CALN1: variants seen among roughly 807,000 people sequenced by gnomAD.
CALN1 encodes the protein calneuron 1, also known as calcium-binding protein 8.
Under a neutral mutation model 30.6 loss-of-function variants are expected in CALN1, and 17 were observed. The observed-to-expected ratio is 0.56, with a 90% CI of 0.38 to 0.83. The LOEUF is 0.83. Among genes scored for constraint, CALN1 ranks in the 40% least tolerant of loss-of-function variants. The pLI, the probability that CALN1 is intolerant of heterozygous loss-of-function variation, is 0.00. For missense variants in CALN1, 291 were observed against 354.9 expected (o/e 0.82, Z 1.45); for synonymous variants, 156 against 131.4 (o/e 1.19, Z -1.28).
intron 4 of CALN1, among the ~76,000 whole-genome samples, chr7:72,058,486 T>C (rs1288091157): frequency 6.6e-6 from 1 of 151,848 alleles, no homozygotes. Flanking sequence ...CTCAGCTATT[T>C]TTTTGTATTT....
chr7:72,156,312 A>G (rs1195101706), intron 3 of CALN1, among the ~76,000 whole-genome samples: 1 of 152,198 alleles, frequency 6.6e-6, no homozygotes, highest in Non-Finnish European at 1.5e-5. Context: ...AACTGCTTGG[A>G]TAGGACAGGA....
chr7:71,893,822 C>T (rs1489291100), intron 5 of CALN1, among the ~76,000 whole-genome samples: 2 of 152,002 alleles, frequency 1.3e-5, no homozygotes, highest in African/African-American at 4.8e-5. Context: ...CTGCCCATTG[C>T]AAGATTTGGG....
At chr7:72,298,803 TAAA>T (rs56933201) in intron 2 of CALN1, among the ~76,000 whole-genome samples, 18 of 140,418 alleles carry the variant, frequency 1.3e-4, no homozygotes, top group Admixed American at 1.4e-4. Flanking sequence ...CTGATGGTTT[TAAA>T]AAAAAAAAAA....
chr7:72,486,518 C>A, the CALN1 span, among the ~76,000 whole-genome samples: 1 of 151,828 alleles, frequency 6.6e-6, no homozygotes, highest in South Asian at 2.1e-4. Flanking sequence ...ATTACAGGTG[C>A]ATGCCACCAC....
chr7:72,416,288 T>C (rs1412511638), upstream of CALN1, among the ~76,000 whole-genome samples: 1 of 152,232 alleles, frequency 6.6e-6, no homozygotes, highest in Admixed American at 6.5e-5. Context: ...GGTATAAATA[T>C]GACTGCAGCA....
chr7:72,494,189 C>T, the CALN1 span, among the ~76,000 whole-genome samples: 3 of 152,170 alleles, frequency 2.0e-5, no homozygotes, highest in Non-Finnish European at 4.4e-5. Context: ...GACCTTGTCT[C>T]TAAAAATCTG....
chr7:72,394,484 A>G (rs540234849), intron 2 of CALN1, among the ~76,000 whole-genome samples: 1 of 152,208 alleles, frequency 6.6e-6, no homozygotes, highest in Non-Finnish European at 1.5e-5. Flanking sequence ...AACAGACATC[A>G]TTACGGGACT....
chr7:72,108,102 C>T (rs1387813092), intron 3 of CALN1, among the ~76,000 whole-genome samples: 1 of 152,194 alleles, frequency 6.6e-6, no homozygotes, highest in African/African-American at 2.4e-5. Context: ...CTGTGCTCCC[C>T]GTGAAGGCTC....
intron 4 of CALN1, among the ~76,000 whole-genome samples, chr7:72,083,288 C>A (rs956919989): frequency 7.9e-5 from 12 of 152,066 alleles, no homozygotes; most frequent in African/African-American, 2.7e-4. Flanking sequence ...TTGTAAGGAT[C>A]AGAATTTAAA....
At chr7:72,281,582 C>T (rs1458358871) in intron 2 of CALN1, among the ~76,000 whole-genome samples, 2 of 152,170 alleles carry the variant, frequency 1.3e-5, no homozygotes, top group Non-Finnish European at 2.9e-5. Context: ...CCAGCTGCTA[C>T]CTTAACCAAC....
upstream of CALN1, among the ~76,000 whole-genome samples, chr7:72,413,884 ACT>A (rs1305549813): frequency 6.6e-6 from 1 of 151,266 alleles, no homozygotes; most frequent in Admixed American, 6.6e-5. Flanking sequence ...GCACACACAC[ACT>A]CTTACATACA....
At chr7:71,820,221 C>T (rs1467501121) in intron 5 of CALN1, among the ~76,000 whole-genome samples, 1 of 152,090 alleles carries the variant, frequency 6.6e-6, no homozygotes, top group Non-Finnish European at 1.5e-5. Context: ...TAGATAATAC[C>T]TCAACCAACT....
Position 72,041,990 on chromosome 7 carries a change from G to C in CALN1, c.389-18221C>G, listed in dbSNP as rs75699516. On this transcript the variant is annotated intron_variant, in intron 4 of 6. Transcript: ENST00000395275. ...TCCTTTATAAATTACCTAGTCTCTC[G>C]GGTATGTCTTTATTAGCAGCATGAG... Among the ~76,000 whole-genome samples, 96 of 152,202 alleles carry C rather than the reference G, an allele frequency of 6.3e-4. 2 individuals are homozygous for C. In the East Asian group the frequency reaches 0.018, roughly 28 times the overall value.
chr7:72,328,863 T>A (rs2944824), intron 2 of CALN1, among the ~76,000 whole-genome samples: 49,003 of 152,092 alleles, frequency 0.32, 9,630 homozygotes, highest in Middle Eastern at 0.51. Flanking sequence ...GCCCAGCTAG[T>A]TTTTTATATT....
chr7:72,047,912 A>T (rs1802575048), intron 4 of CALN1, among the ~76,000 whole-genome samples: 1 of 152,168 alleles, frequency 6.6e-6, no homozygotes, highest in Non-Finnish European at 1.5e-5. Flanking sequence ...AAATGCAGGG[A>T]AATTGGATAT....
chr7:71,878,321 G>A (rs1479728884), intron 5 of CALN1, among the ~76,000 whole-genome samples: 2 of 151,870 alleles, frequency 1.3e-5, no homozygotes, highest in Non-Finnish European at 2.9e-5. Flanking sequence ...AGAATTGCCT[G>A]AACCCAGGAG....
At chr7:72,157,931 G>A (rs1261076721) in intron 3 of CALN1, among the ~76,000 whole-genome samples, 3 of 152,152 alleles carry the variant, frequency 2.0e-5, no homozygotes, top group African/African-American at 7.2e-5. Context: ...GTTTAATAGA[G>A]ACAGGGTTTC....
At chr7:71,941,347 T>C (rs1411919492) in intron 5 of CALN1, among the ~76,000 whole-genome samples, 1 of 112,198 alleles carries the variant, frequency 8.9e-6, no homozygotes, top group African/African-American at 3.0e-5. Flanking sequence ...TGAGACTGCA[T>C]CTCAAAAAAA....
the CALN1 span, among the ~76,000 whole-genome samples, chr7:72,500,601 C>A: frequency 6.6e-6 from 1 of 151,812 alleles, no homozygotes; most frequent in African/African-American, 2.4e-5. Flanking sequence ...TCTTTATCAT[C>A]CCCTCTCCGC....
Sources: gnomAD v4.1 joint callset for allele counts (sites outside exome capture counted in the v4.1 genomes callset) on GRCh38, gnomAD v4.1.1 for gene constraint, MANE v1.5 for transcripts, NCBI Gene and HGNC (gene_info 2026-07-23, HGNC 2026-07-21) for gene names.